TRPM3: variants seen among roughly 807,000 people sequenced by gnomAD.
TRPM3 encodes the protein long transient receptor potential channel 3.
A neutral mutation model predicts 181.2 loss-of-function variants in TRPM3; 77 were observed. The observed-to-expected ratio is 0.42, with a 90% CI of 0.35 to 0.51. The LOEUF is 0.51. TRPM3 is among the 20% of genes least tolerant of loss of function. The pLI, the probability that TRPM3 is intolerant of heterozygous loss-of-function variation, is 0.01. For synonymous variants in TRPM3, 745 were observed against 796.4 expected, an observed-to-expected ratio of 0.94 and a Z score of 1.09; for missense variants, 1,759 against 2,196.7, an observed-to-expected ratio of 0.80 and a Z score of 3.98.
intron 1 of TRPM3, among the ~76,000 whole-genome samples, chr9:71,032,031 TAAA>T (rs1270691977): frequency 0.032 from 1,668 of 52,216 alleles, 177 homozygotes; most frequent in Non-Finnish European, 0.05. Flanking sequence ...ATATATAATA[TAAA>T]TATATATATA....
intron 1 of TRPM3, among the ~76,000 whole-genome samples, chr9:71,278,424 A>T (rs895285823): frequency 6.6e-6 from 1 of 152,278 alleles, no homozygotes; most frequent in Non-Finnish European, 1.5e-5. Context: ...CCACAGTACC[A>T]GTATCAGAAC....
At chr9:70,947,493 T>C (rs1461822561) in intron 1 of TRPM3, among the ~76,000 whole-genome samples, 1 of 152,224 alleles carries the variant, frequency 6.6e-6, no homozygotes, top group African/African-American at 2.4e-5. Context: ...TTTTTCCTTT[T>C]GGAATTTAGA....
At chr9:70,832,172 T>G (rs2093977382) in intron 5 of TRPM3, among the ~76,000 whole-genome samples, 3 of 142,796 alleles carry the variant, frequency 2.1e-5, no homozygotes, top group Admixed American at 7.0e-5. Context: ...GGGATAGCAT[T>G]GGGAGATATA....
chr9:70,606,655 A>G (rs201490316), intron 19 of TRPM3, among the ~76,000 whole-genome samples: 14 of 93,268 alleles, frequency 1.5e-4, no homozygotes, highest in East Asian at 3.1e-4. Context: ...GTGTGTGTAT[A>G]TATATATATA....
chr9:70,615,611 T>TA (rs1209530544), intron 18 of TRPM3, among the ~76,000 whole-genome samples: 2 of 152,234 alleles, frequency 1.3e-5, no homozygotes, highest in Non-Finnish European at 2.9e-5. Flanking sequence ...TCTGGTTGTT[T>TA]AAAAAGCTTT....
intron 25 of TRPM3, among the ~76,000 whole-genome samples, chr9:70,544,680 AAAATT>A (rs1379948043): frequency 2.0e-5 from 3 of 152,046 alleles, no homozygotes; most frequent in Non-Finnish European, 4.4e-5. Flanking sequence ...CATAGGATGA[AAAATT>A]AATATACTAG....
intron 8 of TRPM3, among the ~76,000 whole-genome samples, chr9:70,694,296 A>ATAAGT (rs1491206642): frequency 6.6e-6 from 1 of 152,062 alleles, no homozygotes; most frequent in African/African-American, 2.4e-5. Flanking sequence ...TGCAAAAAAA[A>ATAAGT]TAAGTTTGAC....
chr9:70,791,023 T>C (rs1442749171), intron 6 of TRPM3, among the ~76,000 whole-genome samples: 2 of 152,202 alleles, frequency 1.3e-5, no homozygotes, highest in African/African-American at 4.8e-5. Context: ...TTAACTAGAA[T>C]GTCTCTTAGG....
At chr9:70,810,499 T>A (rs996437319) in intron 6 of TRPM3, among the ~76,000 whole-genome samples, 1 of 151,978 alleles carries the variant, frequency 6.6e-6, no homozygotes, top group African/African-American at 2.4e-5. Flanking sequence ...TTCTTCCTAA[T>A]ATTGTTTCTC....
chr9:70,805,171 G>C lies in TRPM3; in HGVS notation c.974-20892C>G, dbSNP rs2090350448. 2.7e-5 allele frequency among the ~76,000 whole-genome samples: 4 copies of C among 149,666 alleles called. 1 individual carries two copies. The South Asian group carries it at 8.7e-4, about 32-fold the overall frequency. On this transcript the variant is annotated intron_variant, in intron 6 of 25. Coordinates refer to ENST00000677713, the MANE Select transcript of TRPM3 (RefSeq NM_001366145.2). ...AGAGAAGGAGCATGATCATGAAAGAGAGGGAGAAGAGAGGCAGAGGAAGGA... is the reference window on the plus strand; with the variant it reads ...AGAGAAGGAGCATGATCATGAAAGACAGGGAGAAGAGAGGCAGAGGAAGGA...
intron 12 of TRPM3, among the ~76,000 whole-genome samples, chr9:70,633,352 C>T (rs968547054): frequency 2.6e-5 from 4 of 152,076 alleles, no homozygotes; most frequent in Non-Finnish European, 4.4e-5. Context: ...TAGACAAAAC[C>T]GGAAGGTTCA....
chr9:70,598,303 C>A (rs1159553048), intron 21 of TRPM3, 116 bp downstream of exon 21: 15 of 1,368,914 alleles, frequency 1.1e-5, no homozygotes, highest in Non-Finnish European at 2.0e-6. Flanking sequence ...TAAAACACCT[C>A]TAGGGCCATC....
chr9:70,937,350 C>T (rs981662315), intron 1 of TRPM3, among the ~76,000 whole-genome samples: 1 of 152,136 alleles, frequency 6.6e-6, no homozygotes, highest in Non-Finnish European at 1.5e-5. Flanking sequence ...AGTGTACCAT[C>T]CATAAGTTAG....
intron 1 of TRPM3, among the ~76,000 whole-genome samples, chr9:71,186,031 G>A (rs1033085518): frequency 2.6e-5 from 4 of 152,016 alleles, no homozygotes; most frequent in African/African-American, 9.7e-5. Context: ...CTGGTGGTTT[G>A]CTGAAAATCT....
intron 1 of TRPM3, among the ~76,000 whole-genome samples, chr9:71,346,038 C>T (rs1425434608): frequency 6.6e-6 from 1 of 152,030 alleles, no homozygotes; most frequent in Non-Finnish European, 1.5e-5. Context: ...AATATGTTAT[C>T]AAAATAAATG....
intron 5 of TRPM3, among the ~76,000 whole-genome samples, chr9:70,832,442 G>A (rs1401119484): frequency 2.0e-5 from 3 of 152,150 alleles, no homozygotes; most frequent in African/African-American, 7.2e-5. Context: ...GTAAATGAGA[G>A]AATTCTTGCC....
intron 8 of TRPM3, among the ~76,000 whole-genome samples, chr9:70,700,237 C>T (rs978728053): frequency 6.6e-6 from 1 of 152,202 alleles, no homozygotes; most frequent in Non-Finnish European, 1.5e-5. Context: ...CCTGCCCCAG[C>T]CTCCCAAAGT....
chr9:71,139,117 A>G (rs1450841439), intron 1 of TRPM3, among the ~76,000 whole-genome samples: 1 of 152,216 alleles, frequency 6.6e-6, no homozygotes, highest in Non-Finnish European at 1.5e-5. Context: ...GAATCACTAA[A>G]TACATGCTAT....
chr9:71,164,367 C>T (rs1256865023), intron 1 of TRPM3, among the ~76,000 whole-genome samples: 1 of 152,148 alleles, frequency 6.6e-6, no homozygotes, highest in Admixed American at 6.5e-5. Flanking sequence ...TCTACAATGG[C>T]AGTGTCACAA....
Sources: gnomAD v4.1 joint callset for allele counts (sites outside exome capture counted in the v4.1 genomes callset) on GRCh38, gnomAD v4.1.1 for gene constraint, MANE v1.5 for transcripts, NCBI Gene and HGNC (gene_info 2026-07-23, HGNC 2026-07-21) for gene names.